FLG: variants seen among roughly 807,000 people sequenced by gnomAD.
FLG encodes filaggrin.
Under a neutral mutation model 3.8 loss-of-function variants are expected in FLG, and 6 were observed. The observed-to-expected ratio is 1.60, with a 90% confidence interval of 0.87 to 3.15. The LOEUF (loss-of-function observed/expected upper bound fraction) is 3.15, where lower values mean the gene tolerates loss of function less well. Ranked by LOEUF, FLG falls within the 30% of genes most tolerant of loss-of-function variation. The probability of loss-of-function intolerance (pLI) is 0.00; values close to 1 mark genes in which losing one functional copy is unlikely to be tolerated. For synonymous variants in FLG, 2,551 were observed against 1,931.6 expected (o/e 1.32, Z -8.41); for missense variants, 7,595 against 5,050.9 (o/e 1.50, Z -15.27).
rs529065322 is a variant in FLG, at chr1:152,313,901, A to G, written c.985T>C (p.Ser329Pro). Residue 329 changes from serine to proline, a missense_variant, in exon 3 of 3, where the codon TCA becomes CCA. Ser to Pro is a moderately conservative substitution (Grantham distance 74). Coordinates refer to ENST00000368799, the MANE Select transcript of FLG (RefSeq NM_002016.2). ...CTGGGGTGTCTGGAGCCATCTCTTG[A>G]CTGCTCCCACGCAGATCCATGATGG... ...RNHHGSAWEQ[S>P]RDGSRHPRSH... 9.9e-6 allele frequency: 16 copies of G among 1,613,570 alleles called. No individual in the cohort carries two copies. In the South Asian group the frequency reaches 1.5e-4, roughly 16 times the overall value.
chr1:152,311,827 G>C lies in FLG; in HGVS notation c.3059C>G (p.Ser1020Ter), dbSNP rs200360684. 8.6e-5 allele frequency: 138 copies of C among 1,614,014 alleles called. No individual in the cohort carries two copies. The highest frequency in any genetic ancestry group is 9.3e-5 in the Non-Finnish European group (110 of 1,180,026). The part of the protein sequence containing the change: ...AETSSGGQAA[S>*]SHEQARSSPG... ...ACTTGATCTTGCCTGTTCATGGGAT[G>C]ACGCAGCCTGTCCACCAGAGGAAGT... The change falls in exon 3 of 3, where the codon TCA (serine) becomes TGA (stop). Residue 1020 changes from serine (S) to a stop codon, truncating the protein, a stop_gained. Coordinates refer to ENST00000368799, the MANE Select transcript of FLG (RefSeq NM_002016.2). LOFTEE classifies it low-confidence loss of function (END_TRUNC).
At position 152,305,289 on chromosome 1, in the gene FLG, C is replaced by T. The variant is rs1307944150; in HGVS notation, c.9597G>A (p.Gln3199=). Residue 3199 remains glutamine (Q), a synonymous_variant, in exon 3 of 3, where the codon CAG becomes CAA. Transcript: ENST00000368799. The part of the protein sequence containing the change: ...ADISRHSQAV[Q]GQSEGSRRSR... The stretch of plus-strand genomic sequence containing the variant: ...TTCTCCTGGACCCCTCTGATTGTCC[C>T]TGGACTGCCTGTGAGTGTCTAGAGA... The T allele has an allele frequency of 6.2e-7, 1 of 1,611,936 alleles. No homozygotes were observed. The highest frequency in any genetic ancestry group is 8.5e-7 in the Non-Finnish European group (1 of 1,179,750).
Position 152,304,109 on chromosome 1 carries a change from C to A in FLG, c.10777G>T (p.Glu3593Ter), listed in dbSNP as rs1427665120. 6.3e-7 allele frequency: 1 copy of A among 1,599,720 alleles called. No homozygotes were observed. The highest frequency in any genetic ancestry group is 8.5e-7 in the Non-Finnish European group (1 of 1,174,402). ...TGAGTGCCTGATTGTCTGGAGCTCT[C>A]TGCAGAGTGCCCGTGACCGGCTCTG... ...EDRAGHGHSA[E>*]SSRQSGTHHA... Residue 3593 changes from glutamate (E) to a stop codon, truncating the protein, a stop_gained, in exon 3 of 3, where the codon GAG (glutamate) becomes TAG (stop). Transcript: ENST00000368799. LOFTEE classifies it low-confidence loss of function (END_TRUNC).
rs757418524 is a variant in FLG, at chr1:152,309,066, T to C, written c.5820A>G (p.Arg1940=). The C allele has an allele frequency of 1.7e-5, 28 of 1,614,028 alleles. No homozygotes were observed. The highest frequency in any genetic ancestry group is 2.2e-5 in the South Asian group (2 of 91,090). ...GCTCCCAAGCAGATCCAAGATGGTT[T>C]CTGGAAGCAGACCCAGACCACCTCT... is the stretch of plus-strand genomic sequence containing the variant. ...DSERWSGSAS[R]NHLGSAWEQS... The change falls in exon 3 of 3, where the codon AGA becomes AGG. Residue 1940 remains arginine, a synonymous_variant. Coordinates refer to ENST00000368799, the MANE Select transcript of FLG (RefSeq NM_002016.2).
In FLG at chr1:152,309,539, C is replaced by G. The variant is rs765034231; in HGVS notation, c.5347G>C (p.Gly1783Arg). 1 of 1,613,878 alleles carries G rather than the reference C, an allele frequency of 6.2e-7. No individual in the cohort carries two copies. Among genetic ancestry groups the G allele is most frequent in the Admixed American group, 1.7e-5 (1 of 60,004 alleles). Residue 1783 changes from glycine to arginine, a missense_variant, in exon 3 of 3, where the codon GGG becomes CGG. Transcript: ENST00000368799. ...EQSESAHGRTGPSTGGRQRSR... is the reference protein window; with the variant it reads ...EQSESAHGRTRPSTGGRQRSR... ...CTTTGTCTTCCTCCAGTGCTGGGCC[C>G]TGTGCGTCCATGGGCGGACTCAGAC... is the stretch of plus-strand genomic sequence containing the variant.
At chr1:152,321,911 C>G (rs1342972575) in intron 1 of FLG, among the ~76,000 whole-genome samples, 1 of 151,072 alleles carries the variant, frequency 6.6e-6, no homozygotes, top group Non-Finnish European at 1.5e-5. Flanking sequence ...AATATAATAG[C>G]AGACTGAATT....
At position 152,311,066 on chromosome 1, in the gene FLG, T is replaced by C; in HGVS notation, c.3820A>G (p.Ser1274Gly). Residue 1274 changes from serine (S) to glycine (G), a missense_variant, in exon 3 of 3, where the codon AGT becomes GGT. Transcript: ENST00000368799. ...RHQGSSVSQDSDSERHSDDSE... is the reference protein window; with the variant it reads ...RHQGSSVSQDGDSERHSDDSE... ...TCGTCTGAGTGTCTCTCACTGTCAC[T>C]GTCCTGGCTAACACTGGATCCCTGG... The C allele has an allele frequency of 6.2e-7, 1 of 1,613,904 alleles. No individual in the cohort carries two copies. Among genetic ancestry groups the C allele is most frequent in the Non-Finnish European group, 8.5e-7 (1 of 1,179,962 alleles).
rs71625190 is a variant in FLG at position 152,312,330 on chromosome 1, C to G, written c.2556G>C (p.Arg852Ser). 1.3e-6 allele frequency: 2 copies of G among 1,577,770 alleles called. No homozygotes were observed. The highest frequency in any genetic ancestry group is 1.7e-6 in the Non-Finnish European group (2 of 1,169,236). Residue 852 changes from arginine to serine, a missense_variant, in exon 3 of 3, where the codon AGG (arginine) becomes AGC (serine). Physicochemically the swap from Arg to Ser is moderately radical, Grantham distance 110 (BLOSUM62 -1). Transcript: ENST00000368799. ...RGHPGSSRRG[R>S]QGSHHEQSVD... ...CCGATTGCTCGTGGTGGGACCCCTGCCTTCCTCTTCTGCTTGACCCCGGGT... is the reference window on the plus strand; with the variant it reads ...CCGATTGCTCGTGGTGGGACCCCTGGCTTCCTCTTCTGCTTGACCCCGGGT...
Position 152,314,201 on chromosome 1 carries a change from G to C in FLG, c.685C>G (p.Gln229Glu), listed in dbSNP as rs759081837. The C allele has an allele frequency of 5.0e-5, 81 of 1,613,834 alleles. No homozygotes were observed. In the Middle Eastern group the frequency reaches 6.6e-4, roughly 13 times the overall value. Residue 229 changes from glutamine (Q) to glutamate (E), a missense_variant, in exon 3 of 3, where the codon CAA becomes GAA. Transcript: ENST00000368799. ...NTGRMTQKWI[Q>E]SGHIATYYTI... ...TAATATGTGGCAATATGGCCTGATT[G>C]TATCCATTTTTGAGTCATTCTTCCT...
rs746336266 is a variant in FLG at position 152,311,801 on chromosome 1, G to T, written c.3085C>A (p.Pro1029Thr). Residue 1029 changes from proline (P) to threonine (T), a missense_variant, in exon 3 of 3, where the codon CCA (proline) becomes ACA (threonine). Physicochemically the swap from Pro to Thr is conservative, Grantham distance 38. Coordinates refer to ENST00000368799, the MANE Select transcript of FLG (RefSeq NM_002016.2). ...TGGCGGGATCCGTGTCTTTCTCCTG[G>T]ACTTGATCTTGCCTGTTCATGGGAT... ...ASSHEQARSS[P>T]GERHGSRHQQ... 5 of 1,613,976 alleles carry T rather than the reference G, an allele frequency of 3.1e-6. No homozygotes were observed. In the African/African-American group the frequency reaches 5.3e-5, roughly 17 times the overall value.
At position 152,308,070 on chromosome 1, in the gene FLG, C is replaced by T. The variant is rs768626232; in HGVS notation, c.6816G>A (p.Gln2272=). 1.9e-6 allele frequency: 3 copies of T among 1,614,008 alleles called. No individual in the cohort carries two copies. The East Asian group carries it at 6.7e-5, about 36-fold the overall frequency. Residue 2272 remains glutamine (Q), a synonymous_variant, in exon 3 of 3, where the codon CAG becomes CAA. Coordinates refer to ENST00000368799, the MANE Select transcript of FLG (RefSeq NM_002016.2). Reference sequence around the variant, plus strand: ...GTCTGGAGCCATCTCTTGACTGCTCCTGAGCAGATCCATGATGGTTTCTGG... The same window carrying T: ...GTCTGGAGCCATCTCTTGACTGCTCTTGAGCAGATCCATGATGGTTTCTGG... ...SASRNHHGSA[Q]EQSRDGSRHP...
At position 152,307,499 on chromosome 1, in the gene FLG, G is replaced by A; in HGVS notation, c.7387C>T (p.His2463Tyr). 1.2e-6 allele frequency: 2 copies of A among 1,613,486 alleles called. No individual in the cohort carries two copies. The highest frequency in any genetic ancestry group is 1.1e-5 in the South Asian group (1 of 91,038). ...CCACTGCTTGACCCCGGGTGTCCAT[G>A]AATGGTGTCCTGACCCTCTTGGGAC... ...STSQEGQDTI[H>Y]GHPGSSSGGR... The change falls in exon 3 of 3, where the codon CAT becomes TAT. Residue 2463 changes from histidine (H) to tyrosine (Y), a missense_variant. His to Tyr is a moderately conservative substitution (Grantham distance 83). Transcript: ENST00000368799.
rs754274124 is a variant in FLG, at chr1:152,304,357, G to A, written c.10529C>T (p.Ser3510Phe). 5.0e-6 allele frequency: 8 copies of A among 1,611,866 alleles called. 1 individual carries two copies. Among genetic ancestry groups the A allele is most frequent in the South Asian group, 1.1e-5 (1 of 90,498 alleles). Residue 3510 changes from serine to phenylalanine, a missense_variant, in exon 3 of 3, where the codon TCC (serine) becomes TTC (phenylalanine). Transcript: ENST00000368799. ...RHSWSHHHEA[S>F]TQADSSRHSQ... The stretch of plus-strand genomic sequence containing the variant: ...GTGTCTAGAGCTGTCCGCCTGAGTG[G>A]AAGCTTCATGGTGATGCGACCATGA...
Position 152,307,487 on chromosome 1 carries a change from C to A in FLG, c.7399G>T (p.Gly2467Trp). ...CCCTGCCTTCCTCCACTGCTTGACC[C>A]CGGGTGTCCATGAATGGTGTCCTGA... The part of the protein sequence containing the change: ...EGQDTIHGHP[G>W]SSSGGRQGSH... Residue 2467 changes from glycine (G) to tryptophan (W), a missense_variant, in exon 3 of 3, where the codon GGG (glycine) becomes TGG (tryptophan). Coordinates refer to ENST00000368799, the MANE Select transcript of FLG (RefSeq NM_002016.2). 1 of 1,613,412 alleles carries A rather than the reference C, an allele frequency of 6.2e-7. No individual in the cohort carries two copies. The highest frequency in any genetic ancestry group is 8.5e-7 in the Non-Finnish European group (1 of 1,179,820).
At position 152,310,713 on chromosome 1, in the gene FLG, A is replaced by C. The variant is rs762904383; in HGVS notation, c.4173T>G (p.Ser1391Arg). The C allele has an allele frequency of 6.2e-7, 1 of 1,613,872 alleles. No individual in the cohort carries two copies. Among genetic ancestry groups the C allele is most frequent in the Non-Finnish European group, 8.5e-7 (1 of 1,180,008 alleles). ...AVRDSGHRGSSGSQVTNSEGH... is the reference protein window; with the variant it reads ...AVRDSGHRGSRGSQVTNSEGH... ...CCTCACTGTTAGTGACCTGACTACC[A>C]CTGGACCCTCGGTGTCCACTGTCTC... The change falls in exon 3 of 3, where the codon AGT (serine) becomes AGG (arginine). Residue 1391 changes from serine to arginine, a missense_variant. Coordinates refer to ENST00000368799, the MANE Select transcript of FLG (RefSeq NM_002016.2).
chr1:152,314,749 T>C lies in FLG; in HGVS notation c.139-2A>G. On this transcript the variant is annotated splice_acceptor_variant, in intron 2 of 2. Coordinates refer to ENST00000368799, the MANE Select transcript of FLG (RefSeq NM_002016.2). LOFTEE classifies it high-confidence loss of function. ...AACCATATCTGGGTCATCTGGATTC[T>C]GTACAGAGGGAAGTCACAGAGGGAG... 6.2e-7 allele frequency: 1 copy of C among 1,613,856 alleles called. No homozygotes were observed. Among genetic ancestry groups the C allele is most frequent in the Non-Finnish European group, 8.5e-7 (1 of 1,179,730 alleles).
In FLG at chr1:152,308,972, C is replaced by A. The variant is rs769704416; in HGVS notation, c.5914G>T (p.Asp1972Tyr). The change falls in exon 3 of 3, where the codon GAC (aspartate) becomes TAC (tyrosine). Residue 1972 changes from aspartate (D) to tyrosine (Y), a missense_variant. By Grantham distance (160) the Asp-to-Tyr change is radical (BLOSUM62 -3). Transcript: ENST00000368799. ...EDRAGHGHSA[D>Y]SSRQSGTRHT... ...CGAGTGCCTGATTGTCTGGAGCTGT[C>A]TGCAGAGTGCCCGTGACCGGCTCTG... The A allele has an allele frequency of 2.5e-6, 4 of 1,614,182 alleles. No homozygotes were observed. The Middle Eastern group carries it at 6.6e-4, about 266-fold the overall frequency.
rs1443712053 is a variant in FLG, at chr1:152,310,672, G to C, written c.4214C>G (p.Ser1405Ter). ...GTGGGCTGACACTGACTGTGTGTCTGAGTCTTCTGAATGTCCCTCACTGTT... is the reference window on the plus strand; with the variant it reads ...GTGGGCTGACACTGACTGTGTGTCTCAGTCTTCTGAATGTCCCTCACTGTT... ...VTNSEGHSEDSDTQSVSAHGQ... is the reference protein window; with the variant it reads ...VTNSEGHSED The change falls in exon 3 of 3, where the codon TCA (serine) becomes TGA (stop). Residue 1405 changes from serine to a stop codon, truncating the protein, a stop_gained. Transcript: ENST00000368799. LOFTEE classifies it low-confidence loss of function (END_TRUNC). 4 of 1,614,068 alleles carry C rather than the reference G, an allele frequency of 2.5e-6. No individual in the cohort carries two copies. In the East Asian group the frequency reaches 6.7e-5, roughly 27 times the overall value.
rs539646707 is a variant in FLG, at chr1:152,313,729, G to A, written c.1157C>T (p.Ser386Phe). ...ARSSPGERHG[S>F]GHQQSADSSR... ...GCTGTCTGCTGACTGCTGGTGGCCGGATCCATGTCTTTCTCCTGGACTTGA... is the reference window on the plus strand; with the variant it reads ...GCTGTCTGCTGACTGCTGGTGGCCGAATCCATGTCTTTCTCCTGGACTTGA... Residue 386 changes from serine (S) to phenylalanine (F), a missense_variant, in exon 3 of 3, where the codon TCC becomes TTC. Transcript: ENST00000368799. 6.2e-7 allele frequency: 1 copy of A among 1,614,122 alleles called. No homozygotes were observed. Among genetic ancestry groups the A allele is most frequent in the African/African-American group, 1.3e-5 (1 of 75,024 alleles).
Sources: allele counts gnomAD v4.1 joint callset (sites outside exome capture counted in the v4.1 genomes callset), GRCh38; gene constraint gnomAD v4.1.1; transcripts MANE v1.5; gene names NCBI Gene and HGNC (gene_info 2026-07-23, HGNC 2026-07-21).